PEMT: variants seen among roughly 807,000 people sequenced by gnomAD.
The protein encoded by PEMT is phosphatidylethanolamine N-methyltransferase.
A neutral mutation model predicts 27.4 loss-of-function variants in PEMT; 23 were observed. The observed-to-expected ratio is 0.84, with a 90% CI of 0.60 to 1.19. PEMT has a LOEUF of 1.19. Ranked by LOEUF, PEMT falls within the 50% of genes most tolerant of loss-of-function variation. PEMT has a pLI of 0.00. For synonymous variants in PEMT, 137 were observed against 139.1 expected (o/e 0.98, Z 0.11); for missense variants, 307 against 310.1 (o/e 0.99, Z 0.07).
At position 17,548,065 on chromosome 17, in the gene PEMT, C is replaced by A. The variant is rs569937760; in HGVS notation, c.205-25670G>T. On this transcript the variant is annotated intron_variant, in intron 2 of 6. Transcript: ENST00000255389. ...ACAGCAGCGGGATGTTCTATCCGAACCTCCCCCCACCTCCCGGGATACCCA... is the reference window on the plus strand; with the variant it reads ...ACAGCAGCGGGATGTTCTATCCGAAACTCCCCCCACCTCCCGGGATACCCA... Among the ~76,000 whole-genome samples, 37 of 152,354 alleles carry A rather than the reference C, an allele frequency of 2.4e-4. No individual in the cohort carries two copies. The South Asian group carries it at 7.2e-3, about 30-fold the overall frequency.
At chr17:17,530,039 GA>G (rs1195795464) in intron 2 of PEMT, among the ~76,000 whole-genome samples, 2 of 152,188 alleles carry the variant, frequency 1.3e-5, no homozygotes, top group African/African-American at 2.4e-5. Context: ...GGGGCTGGGG[GA>G]AGATACACAC....
intron 3 of PEMT, among the ~76,000 whole-genome samples, chr17:17,515,031 A>G (rs1906716569): frequency 1.3e-5 from 2 of 152,136 alleles, no homozygotes; most frequent in Admixed American, 1.3e-4. Flanking sequence ...TGCTGTGGAA[A>G]ATGCAGAACC....
At chr17:17,583,431 A>G (rs1368476216) in intron 1 of PEMT, among the ~76,000 whole-genome samples, 1 of 152,230 alleles carries the variant, frequency 6.6e-6, no homozygotes, top group Non-Finnish European at 1.5e-5. Flanking sequence ...CTGGTAGAAG[A>G]GGAGAAGCCA....
chr17:17,579,976 T>C (rs1481543069), intron 1 of PEMT, among the ~76,000 whole-genome samples: 1 of 152,050 alleles, frequency 6.6e-6, no homozygotes, highest in African/African-American at 2.4e-5. Flanking sequence ...AGCAGGTGCC[T>C]CCCAACGCCT....
At chr17:17,539,908 T>G (rs994962708) in intron 2 of PEMT, among the ~76,000 whole-genome samples, 20 of 152,130 alleles carry the variant, frequency 1.3e-4, no homozygotes, top group African/African-American at 4.6e-4. Flanking sequence ...GGGAGGCTGG[T>G]GCAGGAAAGA....
chr17:17,518,145 C>T lies in PEMT; in HGVS notation c.320+4135G>A, dbSNP rs996123108. The T allele has an allele frequency of 2.3e-5, 23 of 985,386 alleles. No individual in the cohort carries two copies. In the East Asian group the frequency reaches 3.4e-4, roughly 15 times the overall value. 61.0% of individuals were successfully genotyped at this position (985,386 alleles called of 1,614,324 possible). A position where few individuals can be genotyped will look rare whatever the true frequency, so the allele number is the denominator to read the frequency against. ...TTCCGATGTGCGCTGGAGCACAGTT[C>T]CATCCCGTGACTGGTGAACGACACC... is the stretch of plus-strand genomic sequence containing the variant. On this transcript the variant is annotated intron_variant, in intron 3 of 6. Coordinates refer to ENST00000255389, the MANE Select transcript of PEMT (RefSeq NM_148172.3).
At chr17:17,545,186 G>A (rs1909168338) in intron 2 of PEMT, among the ~76,000 whole-genome samples, 1 of 152,218 alleles carries the variant, frequency 6.6e-6, no homozygotes, top group Non-Finnish European at 1.5e-5. Context: ...CGGGACCTCA[G>A]TTGTCCTGTT....
chr17:17,515,570 G>A (rs1051306503), intron 3 of PEMT, among the ~76,000 whole-genome samples: 5 of 152,284 alleles, frequency 3.3e-5, no homozygotes, highest in South Asian at 4.1e-4. Context: ...CCTCCCTGGC[G>A]TTCTCACCAA....
chr17:17,516,109 G>A (rs1906804004), intron 3 of PEMT, among the ~76,000 whole-genome samples: 2 of 151,984 alleles, frequency 1.3e-5, no homozygotes, highest in African/African-American at 4.8e-5. Context: ...GATCATCCTG[G>A]GGTGTCTCCG....
At chr17:17,527,969 C>A (rs1336758946) in intron 2 of PEMT, among the ~76,000 whole-genome samples, 1 of 152,106 alleles carries the variant, frequency 6.6e-6, no homozygotes, top group Non-Finnish European at 1.5e-5. Flanking sequence ...ACAGCCAGGA[C>A]CCCCCCACCA....
In PEMT at chr17:17,563,084, G is replaced by A. The variant is rs1221112720; in HGVS notation, c.204+13836C>T. ...ACCTTGTGACTAGGACAGCCTGGCC[G>A]AGGCTCCAAGATCTGTCTCAGCAGC... On this transcript the variant is annotated intron_variant, in intron 2 of 6. Coordinates refer to ENST00000255389, the MANE Select transcript of PEMT (RefSeq NM_148172.3). Among the ~76,000 whole-genome samples the A allele has an allele frequency of 2.0e-5, 3 of 152,208 alleles. No individual in the cohort carries two copies. The South Asian group carries it at 6.2e-4, about 32-fold the overall frequency.
chr17:17,507,195 C>T, intron 5 of PEMT: 2 of 1,558,004 alleles, frequency 1.3e-6, no homozygotes, highest in Non-Finnish European at 1.7e-6. Flanking sequence ...CCCGCAGGTG[C>T]TGGGCTGCTG....
intron 2 of PEMT, among the ~76,000 whole-genome samples, chr17:17,575,329 TC>T (rs1240361701): frequency 1.3e-5 from 2 of 152,166 alleles, no homozygotes; most frequent in Non-Finnish European, 2.9e-5. Context: ...CAGGGCCATC[TC>T]CCCAGCTCAA....
chr17:17,523,934 G>A lies in PEMT; in HGVS notation c.205-1539C>T, dbSNP rs1332588107. On this transcript the variant is annotated intron_variant, in intron 2 of 6. Coordinates refer to ENST00000255389, the MANE Select transcript of PEMT (RefSeq NM_148172.3). The surrounding 1 kb of genome is among the most constrained non-coding windows in gnomAD (Gnocchi z 4.8). ...CCGTCCTCCCCATCCCCCATCTGCC[G>A]GCCCCTGGCAACCACTCATCGCTTT... Among the ~76,000 whole-genome samples, 5 of 151,842 alleles carry A rather than the reference G, an allele frequency of 3.3e-5. No individual in the cohort carries two copies. Among genetic ancestry groups the A allele is most frequent in the African/African-American group, 7.3e-5 (3 of 41,298 alleles).
chr17:17,550,555 G>C (rs1277686357), intron 2 of PEMT, among the ~76,000 whole-genome samples: 1 of 152,218 alleles, frequency 6.6e-6, no homozygotes, highest in African/African-American at 2.4e-5. Flanking sequence ...AACAAGAACA[G>C]AAGTGTCGGG....
intron 4 of PEMT, among the ~76,000 whole-genome samples, chr17:17,511,608 G>A (rs537876576): frequency 1.3e-3 from 202 of 152,354 alleles, no homozygotes; most frequent in African/African-American, 4.6e-3. Context: ...CACTGAAGCC[G>A]AGTGACTTCC....
intron 1 of PEMT, among the ~76,000 whole-genome samples, chr17:17,589,624 C>A (rs1256438736): frequency 3.9e-5 from 6 of 152,302 alleles, no homozygotes; most frequent in African/African-American, 1.4e-4. Flanking sequence ...GGAGATCCTG[C>A]AGCTCAGACG....
At chr17:17,568,020 GAC>G (rs200539479) in intron 2 of PEMT, among the ~76,000 whole-genome samples, 1 of 151,748 alleles carries the variant, frequency 6.6e-6, no homozygotes, top group East Asian at 1.9e-4. Context: ...CCTAACTTCT[GAC>G]ACACACACAC....
chr17:17,588,863 C>A (rs1466062009), intron 1 of PEMT, among the ~76,000 whole-genome samples: 1 of 152,248 alleles, frequency 6.6e-6, no homozygotes, highest in Non-Finnish European at 1.5e-5. Flanking sequence ...AGAATCCTGA[C>A]AGGGAGGGCA....
Sources: allele counts gnomAD v4.1 joint callset (sites outside exome capture counted in the v4.1 genomes callset), GRCh38; gene constraint gnomAD v4.1.1; non-coding constraint Gnocchi (gnomAD v3.1); transcripts MANE v1.5; gene names NCBI Gene and HGNC (gene_info 2026-07-23, HGNC 2026-07-21).